The following UNC5D variants were observed in gnomAD, a reference collection of about 807,000 sequenced individuals.
UNC5D encodes unc-5 netrin receptor D.
UNC5D carries 39 observed loss-of-function variants against 105.4 expected under a neutral mutation model. The observed-to-expected ratio is 0.37, with a 90% CI of 0.29 to 0.48. The LOEUF (loss-of-function observed/expected upper bound fraction) is 0.48. Among genes scored for constraint, UNC5D ranks in the 20% least tolerant of loss-of-function variants. UNC5D has a pLI of 0.98. For synonymous variants in UNC5D, 452 were observed against 450.4 expected (o/e 1.00, Z -0.04); for missense variants, 991 against 1,202.4 (o/e 0.82, Z 2.60).
chr8:35,275,126 T>A (rs902238163), intron 1 of UNC5D, among the ~76,000 whole-genome samples: 5 of 141,424 alleles, frequency 3.5e-5, no homozygotes, highest in East Asian at 2.0e-4. Flanking sequence ...AAATATATAT[T>A]TTTATATATA....
At chr8:35,738,391 A>G (rs1829582896) in intron 11 of UNC5D, among the ~76,000 whole-genome samples, 1 of 152,206 alleles carries the variant, frequency 6.6e-6, no homozygotes, top group African/African-American at 2.4e-5. Flanking sequence ...TTTGGAAATC[A>G]TCTTTTTATA....
intron 7 of UNC5D, among the ~76,000 whole-genome samples, chr8:35,694,696 AGTGTGT>A (rs3077800): frequency 2.0e-5 from 3 of 149,762 alleles, no homozygotes; most frequent in Non-Finnish European, 3.0e-5. Context: ...CAATAACTAT[AGTGTGT>A]GTGTGTGTGT....
intron 1 of UNC5D, among the ~76,000 whole-genome samples, chr8:35,416,931 TTTTTTA>T (rs950706167): frequency 1.3e-5 from 2 of 152,126 alleles, no homozygotes; most frequent in African/African-American, 2.4e-5. Flanking sequence ...ATTCTGTTTA[TTTTTTA>T]TTTTTATTTT....
At chr8:35,253,970 T>C (rs1803898747) in intron 1 of UNC5D, among the ~76,000 whole-genome samples, 1 of 152,218 alleles carries the variant, frequency 6.6e-6, no homozygotes, top group African/African-American at 2.4e-5. Flanking sequence ...TTTGTTTTTA[T>C]TTCCTACTGT....
intron 3 of UNC5D, among the ~76,000 whole-genome samples, chr8:35,584,188 A>T (rs1005926634): frequency 3.3e-5 from 5 of 152,162 alleles, no homozygotes; most frequent in Admixed American, 3.3e-4. Flanking sequence ...TTGAAGGTAG[A>T]AGGCACAAAA....
chr8:35,411,344 T>C (rs1175347012), intron 1 of UNC5D, among the ~76,000 whole-genome samples: 2 of 152,050 alleles, frequency 1.3e-5, no homozygotes, highest in Non-Finnish European at 2.9e-5. Context: ...ACATTAAATG[T>C]GAATAAACAA....
intron 1 of UNC5D, among the ~76,000 whole-genome samples, chr8:35,495,606 C>T: frequency 6.6e-6 from 1 of 151,934 alleles, no homozygotes; most frequent in African/African-American, 2.4e-5. Context: ...CTAATTTCTG[C>T]CTGACTTATA....
At chr8:35,374,343 A>G (rs1802575246) in intron 1 of UNC5D, among the ~76,000 whole-genome samples, 1 of 152,178 alleles carries the variant, frequency 6.6e-6, no homozygotes, top group African/African-American at 2.4e-5. Flanking sequence ...GGAGGAAAGA[A>G]ATGTTAATGA....
At chr8:35,300,029 C>A (rs1309216818) in intron 1 of UNC5D, among the ~76,000 whole-genome samples, 1 of 152,022 alleles carries the variant, frequency 6.6e-6, no homozygotes, top group African/African-American at 2.4e-5. Context: ...AAAGATAAAT[C>A]AGAAACCAGT....
intron 4 of UNC5D, among the ~76,000 whole-genome samples, chr8:35,671,596 A>G (rs890916117): frequency 6.6e-6 from 1 of 152,236 alleles, no homozygotes; most frequent in African/African-American, 2.4e-5. Context: ...ATTTAAAAGC[A>G]CTATCTGAAC....
chr8:35,477,127 T>G (rs1810158182), intron 1 of UNC5D, among the ~76,000 whole-genome samples: 1 of 152,222 alleles, frequency 6.6e-6, no homozygotes, highest in Non-Finnish European at 1.5e-5. Flanking sequence ...TAGGTAATTT[T>G]CTTTGTGCTT....
chr8:35,244,281 T>G (rs1327978514), intron 1 of UNC5D, among the ~76,000 whole-genome samples: 1 of 152,192 alleles, frequency 6.6e-6, no homozygotes, highest in Admixed American at 6.5e-5. Flanking sequence ...TTTCAGGGCC[T>G]TTTCGATGAT....
chr8:35,720,098 G>A (rs1828493354), intron 8 of UNC5D, among the ~76,000 whole-genome samples: 1 of 152,172 alleles, frequency 6.6e-6, no homozygotes, highest in South Asian at 2.1e-4. Context: ...TAGGGAGGGA[G>A]TGAAACATAA....
chr8:35,478,601 C>G (rs975032519), intron 1 of UNC5D, among the ~76,000 whole-genome samples: 1 of 152,134 alleles, frequency 6.6e-6, no homozygotes, highest in Non-Finnish European at 1.5e-5. Flanking sequence ...TAAGACCATG[C>G]TTTACTTAAA....
intron 1 of UNC5D, among the ~76,000 whole-genome samples, chr8:35,246,683 C>G (rs1209903346): frequency 6.6e-6 from 1 of 152,138 alleles, no homozygotes; most frequent in Non-Finnish European, 1.5e-5. Context: ...TCCAGCAAAA[C>G]TCACAAGATA....
intron 1 of UNC5D, among the ~76,000 whole-genome samples, chr8:35,251,063 A>G (rs1803664317): frequency 1.3e-5 from 2 of 152,198 alleles, no homozygotes; most frequent in African/African-American, 4.8e-5. Flanking sequence ...TGACAAAAGC[A>G]TAAGGTATGA....
At chr8:35,567,967 G>C in intron 2 of UNC5D, 131 bp from the exon 3 acceptor site, 1 of 1,366,920 alleles carries the variant, frequency 7.3e-7, no homozygotes, top group Non-Finnish European at 1.0e-6. Context: ...TATTGTCAAA[G>C]TAATTAAAAC....
chr8:35,328,655 C>A (rs1192804430), intron 1 of UNC5D, among the ~76,000 whole-genome samples: 1 of 152,046 alleles, frequency 6.6e-6, no homozygotes, highest in African/African-American at 2.4e-5. Context: ...GCAGACAAGG[C>A]TTGAATTTGA....
At chr8:35,247,052 G>A (rs939490942) in intron 1 of UNC5D, among the ~76,000 whole-genome samples, 25 of 151,910 alleles carry the variant, frequency 1.6e-4, no homozygotes, top group African/African-American at 5.6e-4. Context: ...GGTCATTTCC[G>A]TCCGTCCCTG....
Sources: allele counts gnomAD v4.1 joint callset (sites outside exome capture counted in the v4.1 genomes callset), GRCh38; gene constraint gnomAD v4.1.1; transcripts MANE v1.5; gene names NCBI Gene and HGNC (gene_info 2026-07-23, HGNC 2026-07-21).